Variants in CPQ observed in about 807,000 individuals in gnomAD.
CPQ encodes Ser-Met dipeptidase.
Under a neutral mutation model 45.7 loss-of-function variants are expected in CPQ, and 37 were observed. The ratio of observed to expected loss-of-function variants is 0.81; its 90% CI spans 0.62 to 1.07. CPQ has a LOEUF of 1.07. Among genes scored for constraint, CPQ ranks in the 50% least tolerant of loss-of-function variants. CPQ has a pLI of 0.00. For missense variants in CPQ, 537 were observed against 572.9 expected (o/e 0.94, Z 0.64); for synonymous variants, 186 against 205.8 (o/e 0.90, Z 0.82).
At chr8:96,961,870 A>G (rs1292271412) in intron 4 of CPQ, among the ~76,000 whole-genome samples, 1 of 152,184 alleles carries the variant, frequency 6.6e-6, no homozygotes, top group Non-Finnish European at 1.5e-5. Context: ...ACATCCTCTG[A>G]GGCTATTTCC....
Position 96,752,937 on chromosome 8 carries a change from TCCA to T in CPQ, c.-34-31923_-34-31921del, listed in dbSNP as rs374776751. ...GTCAGGTTCCATTAACCAGTGTCAT[TCCA>T]CCATTTTATTCTGTGACTTCTTTTG... On this transcript the variant is annotated intron_variant, in intron 1 of 7. Transcript: ENST00000220763. Among the ~76,000 whole-genome samples the T allele has an allele frequency of 1.0e-3, 155 of 152,286 alleles. 1 individual carries two copies. The highest frequency in any genetic ancestry group is 3.6e-3 in the African/African-American group (151 of 41,576).
intron 1 of CPQ, among the ~76,000 whole-genome samples, chr8:96,651,690 A>T (rs1225568911): frequency 1.0e-5 from 1 of 95,914 alleles, no homozygotes; most frequent in Admixed American, 9.8e-5. Flanking sequence ...GATATGGAAC[A>T]TTTAATAGTA....
intron 3 of CPQ, among the ~76,000 whole-genome samples, chr8:96,874,665 C>A (rs547723857): frequency 1.3e-5 from 2 of 151,822 alleles, no homozygotes; most frequent in South Asian, 4.1e-4. Flanking sequence ...GTAGCATGTA[C>A]CAAATGTCAT....
At position 97,122,660 on chromosome 8, in the gene CPQ, C is replaced by T. The variant is rs190010075; in HGVS notation, c.1256-20360C>T. Among the ~76,000 whole-genome samples, 649 of 151,700 alleles carry T rather than the reference C, an allele frequency of 4.3e-3. 3 individuals are homozygous for T. The highest frequency in any genetic ancestry group is 0.015 in the African/African-American group (607 of 41,346). Reference sequence around the variant, plus strand: ...CAGCACTTTGGGAGGCCAAGGCACGCGGATCATTGAGGTCCGGAGTTTGAG... The same window carrying T: ...CAGCACTTTGGGAGGCCAAGGCACGTGGATCATTGAGGTCCGGAGTTTGAG... On this transcript the variant is annotated intron_variant, in intron 7 of 7. Transcript: ENST00000220763.
At chr8:96,737,246 C>A (rs1162602403) in intron 1 of CPQ, among the ~76,000 whole-genome samples, 1 of 141,660 alleles carries the variant, frequency 7.1e-6, no homozygotes, top group African/African-American at 2.8e-5. Flanking sequence ...CACACACACA[C>A]ACACACACAA....
chr8:96,851,675 A>C (rs571767843), intron 3 of CPQ, among the ~76,000 whole-genome samples: 1 of 152,196 alleles, frequency 6.6e-6, no homozygotes, highest in Admixed American at 6.5e-5. Flanking sequence ...CACATTGGCC[A>C]TTATAAGTGT....
At chr8:96,706,363 C>G (rs1041814381) in intron 1 of CPQ, among the ~76,000 whole-genome samples, 2 of 152,198 alleles carry the variant, frequency 1.3e-5, no homozygotes, top group Non-Finnish European at 2.9e-5. Flanking sequence ...ACTTGGCTGA[C>G]TGGGCATTTT....
At chr8:97,054,833 C>T (rs1044763619) in intron 6 of CPQ, among the ~76,000 whole-genome samples, 13 of 151,990 alleles carry the variant, frequency 8.6e-5, no homozygotes, top group East Asian at 1.9e-4. Context: ...GTATACTATT[C>T]GGGTTACGGG....
chr8:97,087,319 GA>G (rs1225210496), intron 7 of CPQ, among the ~76,000 whole-genome samples: 4 of 152,166 alleles, frequency 2.6e-5, no homozygotes, highest in Non-Finnish European at 5.9e-5. Flanking sequence ...CTTGCACTGT[GA>G]AAAACCGAAG....
intron 1 of CPQ, among the ~76,000 whole-genome samples, chr8:96,750,357 A>G (rs1032575620): frequency 1.3e-5 from 2 of 152,088 alleles, no homozygotes; most frequent in Non-Finnish European, 2.9e-5. Context: ...TTCTTATAGA[A>G]GGGATAATTC....
chr8:96,702,879 G>A (rs1275140153), intron 1 of CPQ, among the ~76,000 whole-genome samples: 2 of 151,940 alleles, frequency 1.3e-5, no homozygotes, highest in African/African-American at 4.8e-5. Flanking sequence ...GTTTAAAATG[G>A]CCCCCAAGTG....
At chr8:97,112,166 T>A (rs909665713) in intron 7 of CPQ, among the ~76,000 whole-genome samples, 4 of 151,370 alleles carry the variant, frequency 2.6e-5, no homozygotes, top group East Asian at 3.9e-4. Flanking sequence ...TTTTTTATTT[T>A]TTTTTTTGCT....
intron 2 of CPQ, among the ~76,000 whole-genome samples, chr8:96,833,758 A>G (rs944329381): frequency 2.6e-5 from 4 of 152,220 alleles, no homozygotes; most frequent in African/African-American, 9.6e-5. Context: ...GATCTTAGCC[A>G]ATCACTTTAA....
intron 2 of CPQ, among the ~76,000 whole-genome samples, chr8:96,786,995 G>T (rs1810777379): frequency 6.6e-6 from 1 of 150,686 alleles, no homozygotes; most frequent in Admixed American, 6.6e-5. Flanking sequence ...TTTTTTTGAT[G>T]GCAATATTTG....
chr8:96,831,820 A>G (rs555502211), intron 2 of CPQ, among the ~76,000 whole-genome samples: 20 of 152,164 alleles, frequency 1.3e-4, no homozygotes, highest in African/African-American at 3.9e-4. Context: ...GTCCTATGCA[A>G]TGGCCTGAGC....
At chr8:96,662,987 A>G (rs1808858353) in intron 1 of CPQ, among the ~76,000 whole-genome samples, 1 of 152,188 alleles carries the variant, frequency 6.6e-6, no homozygotes, top group African/African-American at 2.4e-5. Flanking sequence ...GCCCTGTCTC[A>G]AACAAAACAA....
chr8:96,793,222 C>T lies in CPQ; in HGVS notation c.433+7892C>T, dbSNP rs140091353. Among the ~76,000 whole-genome samples, 347 of 152,222 alleles carry T rather than the reference C, an allele frequency of 2.3e-3. 5 individuals are homozygous for T. The highest frequency in any genetic ancestry group is 8.2e-3 in the African/African-American group (339 of 41,532). ...ATAAATATAAAAATAATAAAAATCA[C>T]CTGTATTGGTCCATTTTCACGCTGC... On this transcript the variant is annotated intron_variant, in intron 2 of 7. Transcript: ENST00000220763.
chr8:97,016,901 G>A (rs1429849045), intron 5 of CPQ, among the ~76,000 whole-genome samples: 1 of 152,230 alleles, frequency 6.6e-6, no homozygotes, highest in African/African-American at 2.4e-5. Context: ...CCAGAAGCAA[G>A]ACTAGATTGC....
intron 5 of CPQ, among the ~76,000 whole-genome samples, chr8:96,979,075 A>C (rs1242617043): frequency 4.0e-5 from 6 of 151,680 alleles, no homozygotes; most frequent in African/African-American, 1.5e-4. Flanking sequence ...ACAAATTAGA[A>C]CTCATGAAAG....
Sources: allele counts gnomAD v4.1 joint callset (sites outside exome capture counted in the v4.1 genomes callset), GRCh38; gene constraint gnomAD v4.1.1; transcripts MANE v1.5; gene names NCBI Gene and HGNC (gene_info 2026-07-23, HGNC 2026-07-21).